GRIK1: variants seen among roughly 807,000 people sequenced by gnomAD.
The protein encoded by GRIK1 is glutamate receptor ionotropic, kainate 1.
GRIK1 carries 69 observed loss-of-function variants against 105.7 expected under a neutral mutation model. The observed-to-expected ratio is 0.65, with a 90% CI of 0.54 to 0.80. The LOEUF is 0.80. GRIK1 is among the 30% of genes least tolerant of loss of function. The probability of loss-of-function intolerance (pLI) is 0.00; values close to 1 mark genes in which losing one functional copy is unlikely to be tolerated. For synonymous variants in GRIK1, 438 were observed against 431.3 expected (o/e 1.02, Z -0.19); for missense variants, 1,109 against 1,167.3 (o/e 0.95, Z 0.73).
At chr21:29,746,155 C>G (rs143282156) in intron 1 of GRIK1, among the ~76,000 whole-genome samples, 65 of 152,140 alleles carry the variant, frequency 4.3e-4, no homozygotes, top group Middle Eastern at 3.4e-3. Context: ...ACACATAGCA[C>G]AATTATTCTT....
chr21:29,935,705 A>G (rs1193460493), intron 1 of GRIK1, among the ~76,000 whole-genome samples: 1 of 152,194 alleles, frequency 6.6e-6, no homozygotes, highest in Non-Finnish European at 1.5e-5. Context: ...ATTTCTATTT[A>G]TGTGATGTAC....
intron 9 of GRIK1, among the ~76,000 whole-genome samples, chr21:29,595,839 A>C (rs115050616): frequency 6.6e-6 from 1 of 152,228 alleles, no homozygotes; most frequent in Non-Finnish European, 1.5e-5. Flanking sequence ...ATTTGCTTAC[A>C]TAAATCTATG....
intron 1 of GRIK1, among the ~76,000 whole-genome samples, chr21:29,863,307 G>A (rs761690545): frequency 2.0e-5 from 3 of 152,128 alleles, no homozygotes; most frequent in South Asian, 2.1e-4. Context: ...TATATCACGT[G>A]TGTCAACAGC....
chr21:29,753,929 T>C (rs2065270654), intron 1 of GRIK1, among the ~76,000 whole-genome samples: 1 of 152,138 alleles, frequency 6.6e-6, no homozygotes, highest in South Asian at 2.1e-4. Flanking sequence ...GATCTGAACA[T>C]ATGGAAATCT....
At chr21:29,575,150 T>C (rs1251654459) in intron 14 of GRIK1, among the ~76,000 whole-genome samples, 1 of 152,242 alleles carries the variant, frequency 6.6e-6, no homozygotes, top group African/African-American at 2.4e-5. Flanking sequence ...TTATTGTTAT[T>C]AAACATTATA....
chr21:29,661,602 C>T (rs1019437094), intron 4 of GRIK1, among the ~76,000 whole-genome samples: 8 of 152,238 alleles, frequency 5.3e-5, no homozygotes, highest in South Asian at 2.1e-4. Context: ...AGCAGACCTG[C>T]TAACAACATG....
chr21:29,599,923 A>G (rs1382400944), intron 7 of GRIK1, among the ~76,000 whole-genome samples: 1 of 152,170 alleles, frequency 6.6e-6, no homozygotes, highest in Non-Finnish European at 1.5e-5. Flanking sequence ...CATCTCTACT[A>G]AAAATACAAA....
At chr21:29,618,662 C>A (rs1224381396) in intron 7 of GRIK1, among the ~76,000 whole-genome samples, 2 of 152,144 alleles carry the variant, frequency 1.3e-5, no homozygotes, top group Non-Finnish European at 2.9e-5. Context: ...TATATATGCA[C>A]AATGGAATAC....
In GRIK1 at chr21:29,828,753, C is replaced by G. The variant is rs533619533; in HGVS notation, c.118+110630G>C. ...GGCTTCAAGCAATCCTCTTGCTTGG[C>G]CTTCAAAAGTGCTAGGATTTCAGGA... is the stretch of plus-strand genomic sequence containing the variant. On this transcript the variant is annotated intron_variant, in intron 1 of 17. Transcript: ENST00000327783. Among the ~76,000 whole-genome samples, 21 of 152,194 alleles carry G rather than the reference C, an allele frequency of 1.4e-4. 1 individual carries two copies. The South Asian group carries it at 4.1e-3, about 30-fold the overall frequency.
chr21:29,650,586 T>C (rs2146555691), intron 6 of GRIK1, among the ~76,000 whole-genome samples: 1 of 152,342 alleles, frequency 6.6e-6, no homozygotes, highest in Non-Finnish European at 1.5e-5. Context: ...AGGTCTGGCA[T>C]CTGCTTCAAG....
chr21:29,810,296 TAA>T (rs11317254), intron 1 of GRIK1, among the ~76,000 whole-genome samples: 52,966 of 147,098 alleles, frequency 0.36, 10,662 homozygotes, highest in South Asian at 0.52. Flanking sequence ...GACTCTGTCT[TAA>T]AAAAAAAAAA....
Position 29,861,742 on chromosome 21 carries a change from C to T in GRIK1, c.118+77641G>A, listed in dbSNP as rs534615337. ...ATTATATGCATTTTTCTTGTTTTGC[C>T]TGTTGATATGGTGGATTGCATTAAT... On this transcript the variant is annotated intron_variant, in intron 1 of 17. Coordinates refer to ENST00000327783, the MANE Select transcript of GRIK1 (RefSeq NM_001330994.2). 8 of 409,382 alleles carry T rather than the reference C, an allele frequency of 2.0e-5. No individual in the cohort carries two copies. The East Asian group carries it at 4.1e-4, about 21-fold the overall frequency. The allele number at this position is 409,382 out of a possible 1,614,324, so 25.4% of individuals were successfully genotyped here.
Position 29,859,492 on chromosome 21 carries a change from C to G in GRIK1, c.118+79891G>C, listed in dbSNP as rs140413938. On this transcript the variant is annotated intron_variant, in intron 1 of 17. Coordinates refer to ENST00000327783, the MANE Select transcript of GRIK1 (RefSeq NM_001330994.2). ...ACTGACAGTTCCACTGCCCTCTCTTCTAGCCTCACAGAATGATAGTCAACA... is the reference window on the plus strand; with the variant it reads ...ACTGACAGTTCCACTGCCCTCTCTTGTAGCCTCACAGAATGATAGTCAACA... Among the ~76,000 whole-genome samples the G allele has an allele frequency of 9.3e-4, 142 of 152,278 alleles. 4 individuals carry two copies. In the East Asian group the frequency reaches 0.024, roughly 25 times the overall value.
intron 1 of GRIK1, among the ~76,000 whole-genome samples, chr21:29,895,055 A>C (rs1222845380): frequency 6.6e-6 from 1 of 152,192 alleles, no homozygotes; most frequent in Admixed American, 6.5e-5. Context: ...ATACGGATCT[A>C]ATAGTGGTGG....
intron 14 of GRIK1, among the ~76,000 whole-genome samples, chr21:29,575,663 C>T (rs1391214006): frequency 6.6e-6 from 1 of 151,966 alleles, no homozygotes; most frequent in Non-Finnish European, 1.5e-5. Context: ...GAAACCCTGT[C>T]TCTACTAAAA....
chr21:29,831,569 C>G (rs971883433), intron 1 of GRIK1, among the ~76,000 whole-genome samples: 1 of 152,030 alleles, frequency 6.6e-6, no homozygotes, highest in African/African-American at 2.4e-5. Flanking sequence ...TCTTACATGG[C>G]CAGAAGAGAA....
chr21:29,734,508 TC>T (rs2064734547), intron 1 of GRIK1, among the ~76,000 whole-genome samples: 1 of 151,798 alleles, frequency 6.6e-6, no homozygotes, highest in South Asian at 2.1e-4. Flanking sequence ...CCAGTGATCC[TC>T]CCACCTCAGC....
intron 6 of GRIK1, among the ~76,000 whole-genome samples, chr21:29,644,855 G>T (rs906766254): frequency 1.3e-5 from 2 of 152,112 alleles, no homozygotes; most frequent in African/African-American, 2.4e-5. Flanking sequence ...ATGATATGTC[G>T]CATGCTGTTC....
At chr21:29,886,503 AG>A (rs1341882855) in intron 1 of GRIK1, among the ~76,000 whole-genome samples, 2 of 152,152 alleles carry the variant, frequency 1.3e-5, no homozygotes, top group Admixed American at 6.6e-5. Flanking sequence ...ATAAAGATGG[AG>A]GAGAAGGGCA....
Sources: allele counts gnomAD v4.1 joint callset (sites outside exome capture counted in the v4.1 genomes callset), GRCh38; gene constraint gnomAD v4.1.1; transcripts MANE v1.5; gene names NCBI Gene and HGNC (gene_info 2026-07-23, HGNC 2026-07-21).